The following KANSL3 variants were observed in gnomAD, a reference collection of about 807,000 sequenced individuals.
KANSL3 encodes NSL complex protein NSL3.
In KANSL3, 16 loss-of-function variants were observed where a neutral mutation model predicts 89.2. That is an observed-to-expected ratio of 0.18 (90% CI 0.12 to 0.27). KANSL3 has a LOEUF of 0.27. KANSL3 is among the 10% of genes least tolerant of loss of function. KANSL3 has a pLI of 1.00. For missense variants in KANSL3, 879 were observed against 1,110.6 expected (o/e 0.79, Z 2.96); for synonymous variants, 385 against 419.7 (o/e 0.92, Z 1.01).
chr2:96,592,264 T>C (rs180707920), downstream of KANSL3, among the ~76,000 whole-genome samples: 3 of 152,124 alleles, frequency 2.0e-5, no homozygotes, highest in East Asian at 1.9e-4. Flanking sequence ...ATGCCAAGGG[T>C]AGTGACCTGG....
chr2:96,636,922 T>A lies in KANSL3; in HGVS notation c.214A>T (p.Ile72Phe), dbSNP rs983167294. ...VTPRRQHESTIESDVPIDVET... is the reference protein window; with the variant it reads ...VTPRRQHESTFESDVPIDVET... Reference sequence around the variant, plus strand: ...CAGCCCTTAGAAGCCCCAACTCACATGGTACTTTCGTGCTGCCGCCGGGGA... The same window carrying A: ...CAGCCCTTAGAAGCCCCAACTCACAAGGTACTTTCGTGCTGCCGCCGGGGA... Residue 72 changes from isoleucine (I) to phenylalanine (F), a missense_variant and splice_region_variant, in exon 2 of 21, where the codon ATT becomes TTT. This residue lies in a region of KANSL3 where 210 missense variants were observed against 311.9 expected (regional missense o/e 0.67). Coordinates refer to ENST00000431828, the MANE Select transcript of KANSL3 (RefSeq NM_001115016.3). 2.6e-6 allele frequency: 4 copies of A among 1,519,896 alleles called. No homozygotes were observed. In the African/African-American group the frequency reaches 4.1e-5, roughly 16 times the overall value. The allele number at this position is 1,519,896 out of a possible 1,614,324, so 94.2% of individuals were successfully genotyped here.
intron 14 of KANSL3, chr2:96,606,872 A>C (rs1277332372): frequency 3.3e-6 from 2 of 599,056 alleles, no homozygotes; most frequent in Non-Finnish European, 5.3e-6. Context: ...AACAGGAGGA[A>C]ACCAAACTGA....
Position 96,603,006 on chromosome 2 carries a change from G to T in KANSL3, c.2150-144C>A. 4.4e-6 allele frequency: 3 copies of T among 683,058 alleles called. No individual in the cohort carries two copies. The East Asian group carries it at 8.4e-5, about 19-fold the overall frequency. The allele number at this position is 683,058 out of a possible 1,614,324, so 42.3% of individuals were successfully genotyped here. On this transcript the variant is annotated intron_variant, in intron 17 of 20. Transcript: ENST00000431828. ...CCCGTCCTCAGAGAGAAGGCAGGAA[G>T]CTCTCCCCAACTAGGCACACACGCA...
chr2:96,635,909 G>A (rs945638510), intron 2 of KANSL3, among the ~76,000 whole-genome samples: 8 of 151,816 alleles, frequency 5.3e-5, no homozygotes, highest in South Asian at 2.1e-4. Context: ...CAGGAGAATC[G>A]CTCAAACCCA....
At chr2:96,634,065 T>C (rs966525881) in intron 2 of KANSL3, 1 of 152,206 alleles carries the variant, frequency 6.6e-6, no homozygotes, top group Non-Finnish European at 1.5e-5. Flanking sequence ...GCAAGTCAAC[T>C]GGTAGTTATT....
intron 13 of KANSL3, 59 bp downstream of exon 13, chr2:96,608,805 G>C (rs931949902): frequency 6.6e-7 from 1 of 1,517,336 alleles, no homozygotes; most frequent in South Asian, 1.3e-5. Context: ...AGGAAATTAA[G>C]GAACCAACTC....
downstream of KANSL3, among the ~76,000 whole-genome samples, chr2:96,589,515 G>A (rs2066259754): frequency 6.6e-6 from 1 of 152,180 alleles, no homozygotes; most frequent in Non-Finnish European, 1.5e-5. Flanking sequence ...TCCTAAAAGT[G>A]TATGTACCAA....
Position 96,637,120 on chromosome 2 carries a change from C to T in KANSL3, c.16G>A (p.Gly6Arg). ...GCTGAAGTCTGGAAGTCCCTCTCCC[C>T]ACCCCGGTGGGCCATGTCAGTGGAG... MAHRGGERDFQTSARR... is the reference protein window; with the variant it reads MAHRGRERDFQTSARR... The change falls in exon 2 of 21, where the codon GGG becomes AGG. Residue 6 changes from glycine to arginine, a missense_variant. Coordinates refer to ENST00000431828, the MANE Select transcript of KANSL3 (RefSeq NM_001115016.3). 1.3e-6 allele frequency: 2 copies of T among 1,551,432 alleles called. No individual in the cohort carries two copies. Among genetic ancestry groups the T allele is most frequent in the Non-Finnish European group, 1.7e-6 (2 of 1,146,796 alleles).
At chr2:96,584,004 A>G in the KANSL3 span, among the ~76,000 whole-genome samples, 3 of 152,160 alleles carry the variant, frequency 2.0e-5, no homozygotes, top group African/African-American at 4.8e-5. Context: ...GGCTACTTGG[A>G]TATCTTCTTG....
chr2:96,620,084 T>A (rs771099026), intron 3 of KANSL3, among the ~76,000 whole-genome samples: 39 of 152,212 alleles, frequency 2.6e-4, no homozygotes, highest in Middle Eastern at 3.2e-3. Context: ...TAGCTAAAAT[T>A]ATTCCAATCA....
downstream of KANSL3, among the ~76,000 whole-genome samples, chr2:96,592,220 T>C (rs191247234): frequency 1.3e-5 from 2 of 152,232 alleles, no homozygotes; most frequent in East Asian, 1.9e-4. Context: ...CCAAGCAGCA[T>C]ACCAGAACTA....
At chr2:96,598,103 C>T (rs575900366) in intron 20 of KANSL3, 16 of 985,376 alleles carry the variant, frequency 1.6e-5, no homozygotes, top group East Asian at 1.1e-4. Context: ...GAAGGGATCA[C>T]GTGGCAGGAT....
At chr2:96,636,721 T>C (rs949959435) in intron 2 of KANSL3, 200 bp downstream of exon 2, 11 of 455,356 alleles carry the variant, frequency 2.4e-5, no homozygotes, top group Non-Finnish European at 3.9e-6. Context: ...CACGTCTTGC[T>C]TTCCTAACTC....
At chr2:96,591,297 T>C (rs1298638615), downstream of KANSL3, among the ~76,000 whole-genome samples, 2 of 152,136 alleles carry the variant, frequency 1.3e-5, no homozygotes, top group African/African-American at 4.8e-5. Context: ...TTAGGACAAG[T>C]AGAAGAGATT....
chr2:96,638,242 C>T (rs1362059807), intron 1 of KANSL3, 41 bp downstream of exon 1: 1 of 152,390 alleles, frequency 6.6e-6, no homozygotes, highest in African/African-American at 2.4e-5. Flanking sequence ...GCCGCGATCC[C>T]CACGGCCCGC....
chr2:96,633,588 G>A (rs918261373), intron 2 of KANSL3, among the ~76,000 whole-genome samples: 10 of 145,802 alleles, frequency 6.9e-5, no homozygotes, highest in South Asian at 2.2e-4. Flanking sequence ...AAAAAAGGCC[G>A]GACATGGTGG....
chr2:96,631,590 G>A (rs772120265), intron 2 of KANSL3, 108 bp from the exon 3 acceptor site: 175 of 1,295,844 alleles, frequency 1.4e-4, no homozygotes, highest in Non-Finnish European at 1.8e-4. Context: ...TTTAAATTAC[G>A]CATAAGCACA....
intron 3 of KANSL3, among the ~76,000 whole-genome samples, chr2:96,620,445 C>T (rs775269409): frequency 8.5e-5 from 13 of 152,188 alleles, no homozygotes; most frequent in Non-Finnish European, 1.6e-4. Flanking sequence ...GGTATTCACA[C>T]ATCTACCTTA....
At chr2:96,600,859 G>C (rs990619561) in intron 20 of KANSL3, 2 of 985,306 alleles carry the variant, frequency 2.0e-6, no homozygotes, top group African/African-American at 1.7e-5. Flanking sequence ...GATATGGGAA[G>C]GCACAGTGCT....
Sources: allele counts gnomAD v4.1 joint callset (sites outside exome capture counted in the v4.1 genomes callset), GRCh38; gene constraint gnomAD v4.1.1; regional missense constraint gnomAD v4.1.1; transcripts MANE v1.5; gene names NCBI Gene and HGNC (gene_info 2026-07-23, HGNC 2026-07-21).